The following CEP78 variants were observed in gnomAD, a reference collection of about 807,000 sequenced individuals.
CEP78 encodes centrosomal protein 78.
Under a neutral mutation model 81.2 loss-of-function variants are expected in CEP78, and 76 were observed. The ratio of observed to expected loss-of-function variants is 0.94; its 90% confidence interval spans 0.78 to 1.13. The LOEUF (loss-of-function observed/expected upper bound fraction) is 1.13. Ranked by LOEUF, CEP78 falls within the 50% of genes most tolerant of loss-of-function variation. The pLI is 0.00. For synonymous variants in CEP78, 293 were observed against 301.4 expected, an observed-to-expected ratio of 0.97 and a Z score of 0.29; for missense variants, 918 against 846.8, an observed-to-expected ratio of 1.08 and a Z score of -1.04.
intron 13 of CEP78, 80 bp downstream of exon 13, chr9:78,264,396 A>C: frequency 9.1e-7 from 1 of 1,093,292 alleles, no homozygotes. Flanking sequence ...CAATTTTTAT[A>C]GCTTTCTGAA....
intron 11 of CEP78, among the ~76,000 whole-genome samples, chr9:78,258,273 G>T (rs2118388791): frequency 6.6e-6 from 1 of 152,262 alleles, no homozygotes; most frequent in South Asian, 2.1e-4. Context: ...TAAGCTTTCT[G>T]CCTGTTCTCT....
intron 9 of CEP78, 49 bp from the exon 10 acceptor site, chr9:78,253,183 G>A: frequency 2.5e-6 from 2 of 796,314 alleles, no homozygotes; most frequent in Non-Finnish European, 4.4e-6. Context: ...GTGTTAACTG[G>A]TGGTGTATTT....
intron 5 of CEP78, among the ~76,000 whole-genome samples, 152 bp downstream of exon 5, chr9:78,243,788 A>C (rs1587559553): frequency 6.6e-6 from 1 of 151,406 alleles, no homozygotes; most frequent in South Asian, 2.1e-4. Flanking sequence ...TATAAAAGTT[A>C]TATATATTCT....
At chr9:78,251,781 T>C (rs929657488) in intron 8 of CEP78, 127 bp from the exon 9 acceptor site, 9 of 597,700 alleles carry the variant, frequency 1.5e-5, no homozygotes, top group Non-Finnish European at 2.3e-5. Context: ...AAATTGATCC[T>C]GATTTAATGG....
chr9:78,261,149 C>T (rs1245519038), intron 11 of CEP78, among the ~76,000 whole-genome samples: 2 of 152,058 alleles, frequency 1.3e-5, no homozygotes, highest in Non-Finnish European at 2.9e-5. Context: ...CGGGGTTTCA[C>T]CATGTTGGCC....
intron 16 of CEP78, among the ~76,000 whole-genome samples, chr9:78,269,798 G>A (rs145708893): frequency 2.4e-3 from 370 of 152,298 alleles, no homozygotes; most frequent in South Asian, 5.8e-3. Flanking sequence ...GGAGTTAGCT[G>A]AAGAGGAATT....
In CEP78 at chr9:78,260,707, A is replaced by C. The variant is rs531851643; in HGVS notation, c.1381-2200A>C. On this transcript the variant is annotated intron_variant, in intron 11 of 16. Coordinates refer to ENST00000643273, the MANE Select transcript of CEP78 (RefSeq NM_001330691.3). ...AGGCGACAGAGCGAGACTCCATCTC[A>C]AAAAAAAAAAAAAAAAAAGTCAGAG... is the stretch of plus-strand genomic sequence containing the variant. Among the ~76,000 whole-genome samples the C allele has an allele frequency of 4.2e-3, 536 of 126,558 alleles. 2 individuals are homozygous for C. Among genetic ancestry groups the C allele is most frequent in the African/African-American group, 0.018 (498 of 27,010 alleles). 83.0% of individuals were successfully genotyped at this position (126,558 alleles called of 152,430 possible). A position where few individuals can be genotyped will look rare whatever the true frequency, so the allele number is the denominator to read the frequency against.
chr9:78,260,608 G>A (rs1224158048), intron 11 of CEP78, among the ~76,000 whole-genome samples: 16 of 151,040 alleles, frequency 1.1e-4, no homozygotes, highest in Admixed American at 1.1e-3. Context: ...TCAGGAGGCT[G>A]AAGCAGGAGA....
Position 78,262,992 on chromosome 9 carries a change from A to C in CEP78, c.1458+8A>C. 1 of 1,521,190 alleles carries C rather than the reference A, an allele frequency of 6.6e-7. No homozygotes were observed. The highest frequency in any genetic ancestry group is 1.4e-5 in the African/African-American group (1 of 72,018). 94.2% of individuals were successfully genotyped at this position (1,521,190 alleles called of 1,614,324 possible). A position where few individuals can be genotyped will look rare whatever the true frequency, so the allele number is the denominator to read the frequency against. On this transcript the variant is annotated splice_region_variant and intron_variant, in intron 12 of 16. Coordinates refer to ENST00000643273, the MANE Select transcript of CEP78 (RefSeq NM_001330691.3). ...GATAAACGAGTCAGTGAGGTAAATAAAAGTTTTCTTACCTTTTGAGAGTTT... is the reference window on the plus strand; with the variant it reads ...GATAAACGAGTCAGTGAGGTAAATACAAGTTTTCTTACCTTTTGAGAGTTT...
chr9:78,266,777 A>T, intron 16 of CEP78, 74 bp downstream of exon 16: 6 of 1,559,466 alleles, frequency 3.8e-6, no homozygotes, highest in Non-Finnish European at 5.2e-6. Context: ...ACTGTCCTGA[A>T]AACCAGAAAA....
chr9:78,250,325 A>G (rs1826696046), intron 8 of CEP78: 2 of 398,072 alleles, frequency 5.0e-6, no homozygotes, highest in African/African-American at 2.1e-5. Flanking sequence ...TATAGGGGTT[A>G]TATAATTTAT....
chr9:78,268,259 G>C (rs1430542151), intron 16 of CEP78, among the ~76,000 whole-genome samples: 3 of 152,126 alleles, frequency 2.0e-5, no homozygotes, highest in Non-Finnish European at 4.4e-5. Flanking sequence ...AGGGCAGAGG[G>C]AATAGCATGA....
At chr9:78,243,355 C>A in intron 4 of CEP78, 107 bp from the exon 5 acceptor site, 1 of 876,600 alleles carries the variant, frequency 1.1e-6, no homozygotes, top group Non-Finnish European at 1.7e-6. Flanking sequence ...GGCATATGTA[C>A]CTGGTGTGTG....
chr9:78,272,924 A>G lies in CEP78; in HGVS notation c.*2073A>G, dbSNP rs1373014709. On this transcript the variant is annotated 3_prime_UTR_variant, in exon 17 of 17. Coordinates refer to ENST00000643273, the MANE Select transcript of CEP78 (RefSeq NM_001330691.3). ...TGTGACATATGTCACTTCTGTTCAC[A>G]TTTCTTTGGCCAAAGAAAGTCACAT... 6.6e-6 allele frequency: 1 copy of G among 152,206 alleles called. No individual in the cohort carries two copies. The highest frequency in any genetic ancestry group is 2.4e-5 in the African/African-American group (1 of 41,458). 9.4% of individuals were successfully genotyped at this position (152,206 alleles called of 1,614,324 possible). A position where few individuals can be genotyped will look rare whatever the true frequency, so the allele number is the denominator to read the frequency against.
chr9:78,236,940 G>A (rs1225353437), intron 1 of CEP78, among the ~76,000 whole-genome samples: 1 of 146,068 alleles, frequency 6.8e-6, no homozygotes, highest in Non-Finnish European at 1.5e-5. Flanking sequence ...AACTAAGCAG[G>A]TAGGAAATTA....
chr9:78,266,521 T>G lies in CEP78; in HGVS notation c.1925T>G (p.Leu642Ter). ...GTCCCAGTTTCTACTCCAGAGGGCT[T>G]AGGAACTTCCAGCAACAACCTAGGA... ...FPVPVSTPEG[L>*]GTSSNNLGVP... The change falls in exon 16 of 17, where the codon TTA becomes TGA. Residue 642 changes from leucine to a stop codon, truncating the protein, a stop_gained. Coordinates refer to ENST00000643273, the MANE Select transcript of CEP78 (RefSeq NM_001330691.3). LOFTEE classifies it high-confidence loss of function. 1 of 1,613,882 alleles carries G rather than the reference T, an allele frequency of 6.2e-7. No individual in the cohort carries two copies. Among genetic ancestry groups the G allele is most frequent in the Non-Finnish European group, 8.5e-7 (1 of 1,179,826 alleles).
rs947524686 is a variant in CEP78, at chr9:78,248,308, G to A, written c.910G>A (p.Ala304Thr). 5.1e-6 allele frequency: 8 copies of A among 1,562,150 alleles called. No individual in the cohort carries two copies. Among genetic ancestry groups the A allele is most frequent in the Admixed American group, 3.3e-5 (2 of 59,918 alleles). ...TACTTTAGATCATTCTATGATGAAA[G>A]CAGTTATCAAAAAAGTCCTCCAGAA... ...NPLIDHSMMK[A>T]VIKKVLQNGR... The change falls in exon 7 of 17, where the codon GCA (alanine) becomes ACA (threonine). Residue 304 changes from alanine (A) to threonine (T), a missense_variant. By Grantham distance (58) the Ala-to-Thr change is moderately conservative. Coordinates refer to ENST00000643273, the MANE Select transcript of CEP78 (RefSeq NM_001330691.3).
In CEP78 at chr9:78,272,851, AAGAC is replaced by A. The variant is rs1827722937; in HGVS notation, c.*2003_*2006del. 1 of 152,214 alleles carries A rather than the reference AAGAC, an allele frequency of 6.6e-6. No homozygotes were observed. Among genetic ancestry groups the A allele is most frequent in the Admixed American group, 6.5e-5 (1 of 15,290 alleles). 9.4% of individuals were successfully genotyped at this position (152,214 alleles called of 1,614,324 possible). A position where few individuals can be genotyped will look rare whatever the true frequency, so the allele number is the denominator to read the frequency against. ...CATTGCTGGTTGCAGTGTCCAAGGA[AAGAC>A]AGTATGATGCAGCATATATTGTGAC... is the stretch of plus-strand genomic sequence containing the variant. On this transcript the variant is annotated 3_prime_UTR_variant, in exon 17 of 17. Transcript: ENST00000643273.
rs752002017 is a variant in CEP78, at chr9:78,236,440, G to A, written c.90G>A (p.Pro30=). Residue 30 remains proline, a synonymous_variant, in exon 1 of 17, where the codon CCG becomes CCA. Coordinates refer to ENST00000643273, the MANE Select transcript of CEP78 (RefSeq NM_001330691.3). ...EYLCALQNSV[P]LPAVRACLRE... Reference sequence around the variant, plus strand: ...TGTGCGCGCTGCAGAACTCGGTGCCGCTGCCCGCCGTGCGCGCCTGTCTCC... The same window carrying A: ...TGTGCGCGCTGCAGAACTCGGTGCCACTGCCCGCCGTGCGCGCCTGTCTCC... 43 of 1,601,948 alleles carry A rather than the reference G, an allele frequency of 2.7e-5. No individual in the cohort carries two copies. The highest frequency in any genetic ancestry group is 3.6e-5 in the Non-Finnish European group (42 of 1,174,622).
Sources: gnomAD v4.1 joint callset for allele counts (sites outside exome capture counted in the v4.1 genomes callset) on GRCh38, gnomAD v4.1.1 for gene constraint, MANE v1.5 for transcripts, NCBI Gene and HGNC (gene_info 2026-07-23, HGNC 2026-07-21) for gene names.